TUT7: variants seen among roughly 807,000 people sequenced by gnomAD.
TUT7 encodes the protein terminal uridylyl transferase 7.
In TUT7, 33 loss-of-function variants were observed where a neutral mutation model predicts 165.9. That is an observed-to-expected ratio of 0.20 (90% CI 0.15 to 0.27). The LOEUF (loss-of-function observed/expected upper bound fraction) is 0.27. Ranked by LOEUF, TUT7 falls within the 10% of genes least tolerant of loss-of-function variation. The probability of loss-of-function intolerance (pLI) is 1.00; values close to 1 mark genes in which losing one functional copy is unlikely to be tolerated. For synonymous variants in TUT7, 552 were observed against 608.1 expected (o/e 0.91, Z 1.36); for missense variants, 1,338 against 1,762.3 (o/e 0.76, Z 4.31).
intron 10 of TUT7, 110 bp from the exon 11 acceptor site, chr9:86,328,602 G>A: frequency 3.5e-6 from 3 of 867,506 alleles, no homozygotes; most frequent in Admixed American, 6.6e-5. Context: ...AAATACAAAA[G>A]ATATAATTTA....
rs61730257 is a variant in TUT7, at chr9:86,323,753, G to A, written c.1997C>T (p.Thr666Ile). 0.013 allele frequency: 21,350 copies of A among 1,613,554 alleles called. 170 individuals carry two copies. Among genetic ancestry groups the A allele is most frequent in the Non-Finnish European group, 0.016 (18,862 of 1,179,650 alleles). The part of the protein sequence containing the change: ...EVINHHPDVQ[T>I]KDDKLKNSVL... ...TGAGTTTTTGAGCTTATCATCTTTT[G>A]TTTGTACATCTGGATGATGATTTAT... Residue 666 changes from threonine to isoleucine, a missense_variant, in exon 13 of 27, where the codon ACA becomes ATA. Physicochemically the swap from Thr to Ile is moderately conservative, Grantham distance 89. Coordinates refer to ENST00000375963, the MANE Select transcript of TUT7 (RefSeq NM_024617.4).
At chr9:86,315,577 C>G (rs184868598) in intron 17 of TUT7, among the ~76,000 whole-genome samples, 161 of 152,296 alleles carry the variant, frequency 1.1e-3, no homozygotes, top group African/African-American at 3.5e-3. Flanking sequence ...AAGTTAAAAT[C>G]TAGCTCAGTA....
At chr9:86,346,812 T>C (rs1422991870) in intron 2 of TUT7, among the ~76,000 whole-genome samples, 1 of 152,192 alleles carries the variant, frequency 6.6e-6, no homozygotes, top group Non-Finnish European at 1.5e-5. Context: ...CAAGTATATC[T>C]ATAATTCTAT....
intron 17 of TUT7, among the ~76,000 whole-genome samples, chr9:86,313,354 G>GAAGAAGC (rs1828401578): frequency 6.6e-6 from 1 of 152,084 alleles, no homozygotes; most frequent in Non-Finnish European, 1.5e-5. Context: ...GGAATACACA[G>GAAGAAGC]AAGAAGCAAG....
intron 14 of TUT7, among the ~76,000 whole-genome samples, chr9:86,321,962 G>C (rs1315551250): frequency 6.6e-6 from 1 of 152,118 alleles, no homozygotes; most frequent in African/African-American, 2.4e-5. Flanking sequence ...TGTGCTCCCA[G>C]CTACTTGGGA....
At chr9:86,342,846 C>G (rs748158512) in intron 6 of TUT7, among the ~76,000 whole-genome samples, 1 of 151,840 alleles carries the variant, frequency 6.6e-6, no homozygotes, top group African/African-American at 2.4e-5. Flanking sequence ...CCATCAGGTG[C>G]ACATGGTTGA....
intron 6 of TUT7, among the ~76,000 whole-genome samples, chr9:86,341,415 C>G (rs1461147659): frequency 2.0e-5 from 3 of 152,200 alleles, no homozygotes; most frequent in African/African-American, 7.2e-5. Context: ...GTCCCGGAGT[C>G]AGTCTTGCAC....
chr9:86,301,546 T>C lies in TUT7; in HGVS notation c.4150A>G (p.Lys1384Glu). Residue 1384 changes from lysine to glutamate, a missense_variant, in exon 26 of 27, where the codon AAG becomes GAG. This residue lies in a region of TUT7 where 167 missense variants were observed against 204.9 expected (regional missense o/e 0.82). Transcript: ENST00000375963. ...DALNQRYPEN[K>E]EKRSKEDKEI... is the part of the protein sequence containing the mutation. ...TTGTCCTCTTTGCTTCTTTTTTCCT[T>C]GTTCTCAGGGTATCTTTGGTTCAGG... The C allele has an allele frequency of 6.2e-7, 1 of 1,614,102 alleles. No homozygotes were observed. Among genetic ancestry groups the C allele is most frequent in the Non-Finnish European group, 8.5e-7 (1 of 1,180,016 alleles).
intron 17 of TUT7, among the ~76,000 whole-genome samples, chr9:86,316,381 G>A (rs1338030329): frequency 1.3e-5 from 2 of 152,164 alleles, no homozygotes; most frequent in Non-Finnish European, 2.9e-5. Flanking sequence ...CAAGGCACTT[G>A]AGCCCAGGAG....
rs59651352 is a variant in TUT7 at position 86,297,921 on chromosome 9, C to CTTTTTTTTTTTTTTTT, written c.4420+3354_4420+3355insAAAAAAAAAAAAAAAA. On this transcript the variant is annotated intron_variant, in intron 26 of 26. Transcript: ENST00000375963. ...CTCACTCACCCTTCTGCCTGCTCCA[C>CTTTTTTTTTTTTTTTT]TTTTTTTTTTTTTTCAAATTTCTTC... 2.8e-4 allele frequency among the ~76,000 whole-genome samples: 24 copies of CTTTTTTTTTTTTTTTT among 86,498 alleles called. 1 individual carries two copies. The highest frequency in any genetic ancestry group is 2.0e-3 in the East Asian group (4 of 2,028). 56.7% of individuals were successfully genotyped at this position (86,498 alleles called of 152,430 possible).
chr9:86,294,715 A>T (rs565890032), intron 26 of TUT7, among the ~76,000 whole-genome samples: 3 of 151,376 alleles, frequency 2.0e-5, no homozygotes, highest in African/African-American at 7.2e-5. Flanking sequence ...TAAACATAAA[A>T]AGTAATTATT....
chr9:86,308,570 A>G lies in TUT7; in HGVS notation c.3697T>C (p.Ser1233Pro), dbSNP rs1239065453. The change falls in exon 22 of 27, where the codon TCT (serine) becomes CCT (proline). Residue 1233 changes from serine to proline, a missense_variant. Ser to Pro is a moderately conservative substitution (Grantham distance 74). Around this residue, in one of 7 missense-constraint regions of TUT7, gnomAD observed 157 missense variants for 357.5 expected, o/e 0.44. Coordinates refer to ENST00000375963, the MANE Select transcript of TUT7 (RefSeq NM_024617.4). ...YWSECGKNTESVGQLWLGLLR... is the reference protein window; with the variant it reads ...YWSECGKNTEPVGQLWLGLLR... ...AGGCCCAACCATAACTGCCCAACAG[A>G]TTCTGTATTTTTTCCACATTCTGAC... 1.2e-6 allele frequency: 2 copies of G among 1,613,388 alleles called. No homozygotes were observed. Among genetic ancestry groups the G allele is most frequent in the Admixed American group, 1.7e-5 (1 of 59,906 alleles).
chr9:86,327,141 A>C (rs1451404943), intron 11 of TUT7, among the ~76,000 whole-genome samples: 1 of 151,868 alleles, frequency 6.6e-6, no homozygotes, highest in Non-Finnish European at 1.5e-5. Flanking sequence ...ACACAAATAA[A>C]CCCCCCAGAA....
At position 86,341,073 on chromosome 9, in the gene TUT7, A is replaced by G. The variant is rs1292580643; in HGVS notation, c.1087-20T>C. On this transcript the variant is annotated intron_variant, in intron 6 of 26. Coordinates refer to ENST00000375963, the MANE Select transcript of TUT7 (RefSeq NM_024617.4). ...AGACATCTAGGAAATAAATCAATGA[A>G]TACATGAAATTATTCCTAAGTGATT... The G allele has an allele frequency of 6.3e-7, 1 of 1,598,914 alleles. No homozygotes were observed. Among genetic ancestry groups the G allele is most frequent in the Non-Finnish European group, 8.6e-7 (1 of 1,168,226 alleles).
chr9:86,290,068 A>G (rs972418185), intron 26 of TUT7, among the ~76,000 whole-genome samples: 74 of 152,200 alleles, frequency 4.9e-4, no homozygotes, highest in African/African-American at 1.8e-3. Flanking sequence ...CTTTATCTGT[A>G]AAATGAGGAC....
chr9:86,349,329 C>A (rs1832067115), intron 2 of TUT7, among the ~76,000 whole-genome samples: 1 of 151,618 alleles, frequency 6.6e-6, no homozygotes, highest in African/African-American at 2.4e-5. Context: ...TGGAGGAAGA[C>A]TACCTGGCTT....
chr9:86,298,105 C>T (rs1300573891), intron 26 of TUT7, among the ~76,000 whole-genome samples: 1 of 152,036 alleles, frequency 6.6e-6, no homozygotes, highest in Non-Finnish European at 1.5e-5. Flanking sequence ...TGTTACTTTA[C>T]CAGAGATGCT....
chr9:86,309,674 A>C, intron 19 of TUT7, 98 bp from the exon 20 acceptor site: 1 of 1,088,916 alleles, frequency 9.2e-7, no homozygotes, highest in Non-Finnish European at 1.4e-6. Flanking sequence ...TATTTTGAGA[A>C]CTAATATAAA....
At chr9:86,350,408 T>C (rs1832170019) in intron 2 of TUT7, among the ~76,000 whole-genome samples, 1 of 152,226 alleles carries the variant, frequency 6.6e-6, no homozygotes, top group African/African-American at 2.4e-5. Flanking sequence ...CAAAATTAAA[T>C]ACCCACATCC....
Sources: gnomAD v4.1 joint callset for allele counts (sites outside exome capture counted in the v4.1 genomes callset) on GRCh38, gnomAD v4.1.1 for gene constraint, gnomAD v4.1.1 regional missense constraint, MANE v1.5 for transcripts, NCBI Gene and HGNC (gene_info 2026-07-23, HGNC 2026-07-21) for gene names.